The following RASEF variants were observed in gnomAD, a reference collection of about 807,000 sequenced individuals.
RASEF encodes RAS and EF-hand domain containing, also known as ras and EF-hand domain-containing protein.
Under a neutral mutation model 90.1 loss-of-function variants are expected in RASEF, and 68 were observed. The observed-to-expected ratio is 0.75, with a 90% CI of 0.62 to 0.92. RASEF has a LOEUF of 0.92. Ranked by LOEUF, RASEF falls within the 40% of genes least tolerant of loss-of-function variation. The pLI is 0.00. For synonymous variants in RASEF, 331 were observed against 345.2 expected (o/e 0.96, Z 0.46); for missense variants, 949 against 937.2 (o/e 1.01, Z -0.16).
At chr9:83,118,746 A>T in the RASEF span, among the ~76,000 whole-genome samples, 1 of 152,238 alleles carries the variant, frequency 6.6e-6, no homozygotes, top group African/African-American at 2.4e-5. Flanking sequence ...GGATCATTAT[A>T]GAGATTACCT....
chr9:83,203,500 T>C, the RASEF span, among the ~76,000 whole-genome samples: 1 of 152,166 alleles, frequency 6.6e-6, no homozygotes, highest in African/African-American at 2.4e-5. Flanking sequence ...GGTCTCAAAC[T>C]CTTGATCTCA....
At chr9:83,081,836 G>A in the RASEF span, among the ~76,000 whole-genome samples, 1 of 152,274 alleles carries the variant, frequency 6.6e-6, no homozygotes, top group South Asian at 2.1e-4. Context: ...GACTCCTGAA[G>A]TACAGGCTTG....
At chr9:83,048,886 T>G in intron 1 of RASEF, 1 of 499,388 alleles carries the variant, frequency 2.0e-6, no homozygotes, top group South Asian at 8.7e-5. Flanking sequence ...CCCAACACTT[T>G]GGGAGGCCGA....
the RASEF span, among the ~76,000 whole-genome samples, chr9:83,089,048 C>A: frequency 6.6e-6 from 1 of 151,868 alleles, no homozygotes; most frequent in Non-Finnish European, 1.5e-5. Context: ...CATTTTAATC[C>A]CTTGTAATTT....
rs1009759458 is a variant in RASEF at position 83,007,560 on chromosome 9, C to A, written c.960-55G>T. On this transcript the variant is annotated intron_variant, in intron 6 of 16. Coordinates refer to ENST00000376447, the MANE Select transcript of RASEF (RefSeq NM_152573.4). ...GAATTAGGTGTCAAGTCCTGCCTCA[C>A]GTATACCTACCCTCCCAGACCCTTT... The A allele has an allele frequency of 3.9e-5, 48 of 1,230,524 alleles. No homozygotes were observed. The Admixed American group carries it at 4.2e-4, about 11-fold the overall frequency. The allele number at this position is 1,230,524 out of a possible 1,614,324, so 76.2% of individuals were successfully genotyped here.
At chr9:83,109,230 A>G in the RASEF span, among the ~76,000 whole-genome samples, 2 of 152,244 alleles carry the variant, frequency 1.3e-5, no homozygotes, top group Admixed American at 6.5e-5. Context: ...GAACCTAATG[A>G]GTAATAAAGA....
At chr9:83,009,784 T>C (rs1455935927) in intron 5 of RASEF, 28 bp from the exon 6 acceptor site, 13 of 1,397,740 alleles carry the variant, frequency 9.3e-6, no homozygotes, top group East Asian at 2.3e-5. Context: ...TGGGGGTCAT[T>C]AGATTCAGAT....
chr9:83,168,357 G>T, the RASEF span, among the ~76,000 whole-genome samples: 10 of 151,882 alleles, frequency 6.6e-5, no homozygotes, highest in Admixed American at 3.3e-4. Context: ...GTTATTTGTG[G>T]TTTTTTTATT....
At chr9:83,125,093 T>A in the RASEF span, among the ~76,000 whole-genome samples, 2 of 152,092 alleles carry the variant, frequency 1.3e-5, no homozygotes, top group Non-Finnish European at 2.9e-5. Flanking sequence ...AAATAAGGTG[T>A]TTTGTTTTGT....
chr9:83,023,606 TTAC>T, intron 2 of RASEF, among the ~76,000 whole-genome samples: 1 of 152,312 alleles, frequency 6.6e-6, no homozygotes, highest in Middle Eastern at 3.4e-3. Context: ...CTGTTCCTAT[TTAC>T]TTCTTCCTCA....
intron 1 of RASEF, among the ~76,000 whole-genome samples, chr9:83,046,005 T>A (rs1376884373): frequency 2.0e-5 from 3 of 151,744 alleles, no homozygotes; most frequent in African/African-American, 4.9e-5. Context: ...TACACCTCCA[T>A]TAAGCTTCCT....
At chr9:83,122,869 G>A in the RASEF span, among the ~76,000 whole-genome samples, 7 of 152,166 alleles carry the variant, frequency 4.6e-5, no homozygotes, top group Non-Finnish European at 8.8e-5. Context: ...GACTGAGTGC[G>A]AAGAGATGAG....
chr9:83,141,443 A>G, the RASEF span, among the ~76,000 whole-genome samples: 1 of 152,202 alleles, frequency 6.6e-6, no homozygotes, highest in Non-Finnish European at 1.5e-5. Flanking sequence ...GGAAGAAAAG[A>G]TCTAACATAC....
the RASEF span, among the ~76,000 whole-genome samples, chr9:83,210,580 T>C: frequency 6.6e-6 from 1 of 152,226 alleles, no homozygotes; most frequent in African/African-American, 2.4e-5. Flanking sequence ...CCATTCCAGC[T>C]CACCATGAAT....
chr9:83,181,137 C>A, the RASEF span, among the ~76,000 whole-genome samples: 1 of 144,402 alleles, frequency 6.9e-6, no homozygotes, highest in Non-Finnish European at 1.5e-5. Flanking sequence ...TCTTGGCAAA[C>A]AAGAGAACAT....
At chr9:83,001,992 G>C (rs963560572) in intron 9 of RASEF, among the ~76,000 whole-genome samples, 2 of 152,260 alleles carry the variant, frequency 1.3e-5, no homozygotes, top group Non-Finnish European at 2.9e-5. Context: ...TTATAAGTGA[G>C]GGAGAAATTC....
intron 1 of RASEF, among the ~76,000 whole-genome samples, chr9:83,059,149 C>T (rs1275111177): frequency 6.6e-6 from 1 of 152,032 alleles, no homozygotes; most frequent in Non-Finnish European, 1.5e-5. Flanking sequence ...AATCAATTCA[C>T]AGATAACACT....
At chr9:83,089,972 G>C in the RASEF span, among the ~76,000 whole-genome samples, 1 of 152,010 alleles carries the variant, frequency 6.6e-6, no homozygotes, top group African/African-American at 2.4e-5. Flanking sequence ...ATAGATAGAT[G>C]CATATGTTGG....
chr9:83,181,259 A>C, the RASEF span, among the ~76,000 whole-genome samples: 1 of 151,936 alleles, frequency 6.6e-6, no homozygotes, highest in Non-Finnish European at 1.5e-5. Flanking sequence ...CTTGAGAGGC[A>C]TAAGAGTCAC....
Sources: gnomAD v4.1 joint callset for allele counts (sites outside exome capture counted in the v4.1 genomes callset) on GRCh38, gnomAD v4.1.1 for gene constraint, MANE v1.5 for transcripts, NCBI Gene and HGNC (gene_info 2026-07-23, HGNC 2026-07-21) for gene names.